Variants in ST13 observed in about 807,000 individuals in gnomAD.
The protein encoded by ST13 is hsc70-interacting protein.
In ST13, 23 loss-of-function variants were observed where a neutral mutation model predicts 56.7. The observed-to-expected ratio is 0.41, with a 90% CI of 0.29 to 0.57. ST13 has a LOEUF of 0.57. Among genes scored for constraint, ST13 ranks in the 20% least tolerant of loss-of-function variants. The pLI, the probability that ST13 is intolerant of heterozygous loss-of-function variation, is 0.36. For missense variants in ST13, 369 were observed against 459.9 expected, an observed-to-expected ratio of 0.80 and a Z score of 1.81; for synonymous variants, 132 against 142.4, an observed-to-expected ratio of 0.93 and a Z score of 0.52.
In ST13 at chr22:40,824,901, A is replaced by C. The variant is rs1164063708; in HGVS notation, c.*1637T>G. The C allele has an allele frequency of 6.6e-6, 1 of 152,202 alleles. No individual in the cohort carries two copies. The highest frequency in any genetic ancestry group is 1.5e-5 in the Non-Finnish European group (1 of 68,030). 9.4% of individuals were successfully genotyped at this position (152,202 alleles called of 1,614,324 possible). On this transcript the variant is annotated 3_prime_UTR_variant, in exon 12 of 12. Transcript: ENST00000216218. ...TGCTTGTGTACAGCAAAGGGTTAGA[A>C]CCTGAATAAACTTATTTATGATTTC...
intron 5 of ST13, among the ~76,000 whole-genome samples, chr22:40,838,014 C>G (rs2057785836): frequency 6.6e-6 from 1 of 152,176 alleles, no homozygotes; most frequent in Admixed American, 6.5e-5. Context: ...CTGTATCTTC[C>G]CAACTAAACA....
chr22:40,853,950 A>G (rs2145753597), intron 1 of ST13, among the ~76,000 whole-genome samples: 1 of 152,362 alleles, frequency 6.6e-6, no homozygotes, highest in African/African-American at 2.4e-5. Flanking sequence ...TGAAAAGAAC[A>G]GTCTCCTGGA....
chr22:40,827,267 A>G, intron 10 of ST13, 38 bp from the exon 11 acceptor site: 2 of 1,606,270 alleles, frequency 1.2e-6, no homozygotes, highest in Non-Finnish European at 1.7e-6. Flanking sequence ...TCATACTCCC[A>G]AATATTCTGA....
At chr22:40,827,038 AAT>A in intron 11 of ST13, 56 bp downstream of exon 11, 1 of 1,574,436 alleles carries the variant, frequency 6.4e-7, no homozygotes, top group Non-Finnish European at 8.6e-7. Flanking sequence ...CTCCACACAG[AAT>A]TATGAAAGAA....
rs781384434 is a variant in ST13 at position 40,829,586 on chromosome 22, A to G, written c.847+40T>C. The stretch of plus-strand genomic sequence containing the variant: ...AAGTATTATATTAAAATATCACTGT[A>G]TAATAGAACAAAACAGTTTTAACTT... On this transcript the variant is annotated intron_variant, in intron 10 of 11. Coordinates refer to ENST00000216218, the MANE Select transcript of ST13 (RefSeq NM_003932.5). 9 of 1,072,208 alleles carry G rather than the reference A, an allele frequency of 8.4e-6. No individual in the cohort carries two copies. The Admixed American group carries it at 1.5e-4, about 18-fold the overall frequency. 66.4% of individuals were successfully genotyped at this position (1,072,208 alleles called of 1,614,324 possible). A position where few individuals can be genotyped will look rare whatever the true frequency, so the allele number is the denominator to read the frequency against.
At chr22:40,851,006 C>T (rs1216808085) in intron 1 of ST13, 126 bp from the exon 2 acceptor site, 3 of 651,108 alleles carry the variant, frequency 4.6e-6, no homozygotes, top group South Asian at 2.2e-5. Context: ...TAAAAGTAAA[C>T]TCTCAATTAA....
At chr22:40,848,173 C>G (rs927125906) in intron 3 of ST13, 121 bp downstream of exon 3, 3 of 665,504 alleles carry the variant, frequency 4.5e-6, no homozygotes, top group African/African-American at 1.8e-5. Context: ...CTAGAACATT[C>G]TAAGTTTCAT....
rs144013275 is a variant in ST13, at chr22:40,840,075, G to A, written c.382+551C>T. Among the ~76,000 whole-genome samples, 41 of 152,064 alleles carry A rather than the reference G, an allele frequency of 2.7e-4. No homozygotes were observed. In the East Asian group the frequency reaches 4.6e-3, roughly 17 times the overall value. ...TGAGGCAGGAGGACTGCTTGAACCC[G>A]GGAGGCGGAGGTTGTAGTGAGCCGA... On this transcript the variant is annotated intron_variant, in intron 5 of 11. Transcript: ENST00000216218.
intron 10 of ST13, among the ~76,000 whole-genome samples, chr22:40,828,016 A>G (rs528549912): frequency 1.3e-5 from 2 of 152,236 alleles, no homozygotes; most frequent in South Asian, 2.1e-4. Flanking sequence ...TTTTTGTTTC[A>G]ACTATACTCT....
chr22:40,831,866 T>C (rs2057755430), intron 8 of ST13, among the ~76,000 whole-genome samples: 1 of 152,194 alleles, frequency 6.6e-6, no homozygotes, highest in South Asian at 2.1e-4. Flanking sequence ...ACTTCTTTGT[T>C]TTATTAAGAC....
chr22:40,833,176 A>G (rs1555885466), intron 7 of ST13, among the ~76,000 whole-genome samples: 1 of 152,216 alleles, frequency 6.6e-6, no homozygotes, highest in Non-Finnish European at 1.5e-5. Flanking sequence ...CTTTTAACTC[A>G]GGTGTAACTC....
chr22:40,835,465 A>C, intron 7 of ST13, 95 bp downstream of exon 7: 1 of 1,065,932 alleles, frequency 9.4e-7, no homozygotes, highest in East Asian at 2.4e-5. Flanking sequence ...AAATTAAGTC[A>C]TTAGGAACTT....
chr22:40,856,089 G>A (rs894896651), intron 1 of ST13, among the ~76,000 whole-genome samples: 2 of 152,010 alleles, frequency 1.3e-5, no homozygotes, highest in African/African-American at 4.8e-5. Context: ...GGGCACACAA[G>A]ACTGAAAGAA....
chr22:40,830,852 C>T lies in ST13; in HGVS notation c.786G>A (p.Glu262=). The T allele has an allele frequency of 6.2e-7, 1 of 1,607,216 alleles. No individual in the cohort carries two copies. The highest frequency in any genetic ancestry group is 8.5e-7 in the Non-Finnish European group (1 of 1,178,128). ...ERVKKAREEH[E]RAQREEEARR... is the part of the protein sequence containing the mutation. ...ATAGGAAATTTACCCTCTGGGCTCT[C>T]TCATGCTCTTCTCGAGCCTTCTTAA... The change falls in exon 9 of 12, where the codon GAG becomes GAA. Residue 262 remains glutamate, a synonymous_variant. Transcript: ENST00000216218.
In ST13 at chr22:40,826,471, T is replaced by C. The variant is rs555820690; in HGVS notation, c.*67A>G. 303 of 1,543,054 alleles carry C rather than the reference T, an allele frequency of 2.0e-4. 1 individual carries two copies. The highest frequency in any genetic ancestry group is 1.9e-3 in the Middle Eastern group (8 of 4,232). On this transcript the variant is annotated 3_prime_UTR_variant, in exon 12 of 12. Transcript: ENST00000216218. ...GTCAGAGGTACACTGGTTTGTATTATTGCGACATCCATAAGGTGATCTAGG... is the reference window on the plus strand; with the variant it reads ...GTCAGAGGTACACTGGTTTGTATTACTGCGACATCCATAAGGTGATCTAGG...
chr22:40,827,006 T>C lies in ST13; in HGVS notation c.981+90A>G. ...TTTGGTAACTGTGATAAATAAAAAA[T>C]AGCTATGAGAGTAACCTTTGTCTCC... is the stretch of plus-strand genomic sequence containing the variant. On this transcript the variant is annotated intron_variant, in intron 11 of 11. Coordinates refer to ENST00000216218, the MANE Select transcript of ST13 (RefSeq NM_003932.5). 3.6e-6 allele frequency: 5 copies of C among 1,389,824 alleles called. No individual in the cohort carries two copies. In the South Asian group the frequency reaches 4.2e-5, roughly 12 times the overall value. The allele number at this position is 1,389,824 out of a possible 1,614,324, so 86.1% of individuals were successfully genotyped here. A position where few individuals can be genotyped will look rare whatever the true frequency, so the allele number is the denominator to read the frequency against.
In ST13 at chr22:40,830,822, T is replaced by C. The variant is rs749159130; in HGVS notation, c.798+18A>G. 18 of 1,538,694 alleles carry C rather than the reference T, an allele frequency of 1.2e-5. No homozygotes were observed. The highest frequency in any genetic ancestry group is 1.5e-5 in the Non-Finnish European group (17 of 1,124,556). The stretch of plus-strand genomic sequence containing the variant: ...TTTGCCGTATTTTCCTTTCATGGCT[T>C]AGCTATAGGAAATTTACCCTCTGGG... On this transcript the variant is annotated intron_variant, in intron 9 of 11. Coordinates refer to ENST00000216218, the MANE Select transcript of ST13 (RefSeq NM_003932.5).
At chr22:40,840,489 G>T in intron 5 of ST13, 137 bp downstream of exon 5, 2 of 669,156 alleles carry the variant, frequency 3.0e-6, no homozygotes, top group Admixed American at 3.4e-5. Flanking sequence ...CAATGAGGAA[G>T]GGGTGACTGG....
At chr22:40,844,070 A>T (rs1169498376) in intron 4 of ST13, among the ~76,000 whole-genome samples, 1 of 151,846 alleles carries the variant, frequency 6.6e-6, no homozygotes, top group African/African-American at 2.4e-5. Context: ...ATTAGTAGAG[A>T]CGGGGTTTCA....
Sources: allele counts gnomAD v4.1 joint callset (sites outside exome capture counted in the v4.1 genomes callset), GRCh38; gene constraint gnomAD v4.1.1; transcripts MANE v1.5; gene names NCBI Gene and HGNC (gene_info 2026-07-23, HGNC 2026-07-21).